CRTAC1: variants seen among roughly 807,000 people sequenced by gnomAD.
CRTAC1 encodes the protein cartilage acidic protein 1, also known as acidic secreted protein in cartilage.
CRTAC1 carries 37 observed loss-of-function variants against 67.8 expected under a neutral mutation model. The ratio of observed to expected loss-of-function variants is 0.55; its 90% CI spans 0.42 to 0.72. CRTAC1 has a LOEUF of 0.72. CRTAC1 is among the 30% of genes least tolerant of loss of function. The pLI is 0.00. For missense variants in CRTAC1, 780 were observed against 931.6 expected (o/e 0.84, Z 2.12); for synonymous variants, 348 against 371.0 (o/e 0.94, Z 0.71).
At position 97,879,690 on chromosome 10, in the gene CRTAC1, G is replaced by A. The variant is rs868172006; in HGVS notation, c.1819+559C>T. ...TTCCTTTATTGATGGGATTTAAAGT[G>A]CATATAACTGAAGGCAAAGTCCAAG... On this transcript the variant is annotated intron_variant, in intron 14 of 14. Coordinates refer to ENST00000370597, the MANE Select transcript of CRTAC1 (RefSeq NM_018058.7). 1.3e-5 allele frequency: 20 copies of A among 1,548,748 alleles called. No homozygotes were observed. The East Asian group carries it at 4.9e-4, about 38-fold the overall frequency.
intron 14 of CRTAC1, among the ~76,000 whole-genome samples, chr10:97,877,064 G>C (rs1171906946): frequency 6.6e-6 from 1 of 151,312 alleles, no homozygotes; most frequent in Non-Finnish European, 1.5e-5. Context: ...AGCATCTTGG[G>C]GGCAGGGGAC....
chr10:97,951,793 C>T (rs1448402796), intron 2 of CRTAC1, among the ~76,000 whole-genome samples: 1 of 152,166 alleles, frequency 6.6e-6, no homozygotes, highest in East Asian at 1.9e-4. Flanking sequence ...GTACCTCCCA[C>T]CTGCAGGAAA....
At chr10:97,933,951 C>T (rs2051042454) in intron 3 of CRTAC1, among the ~76,000 whole-genome samples, 2 of 152,160 alleles carry the variant, frequency 1.3e-5, no homozygotes, top group African/African-American at 4.8e-5. Context: ...CCCCAGGTGA[C>T]CCTAATGTGC....
chr10:98,001,084 C>T (rs192264024), intron 2 of CRTAC1, among the ~76,000 whole-genome samples: 10 of 152,284 alleles, frequency 6.6e-5, no homozygotes, highest in Middle Eastern at 3.4e-3. Context: ...GATGAGGTCA[C>T]TTCATGATAA....
intron 11 of CRTAC1, among the ~76,000 whole-genome samples, chr10:97,893,123 G>A (rs187569615): frequency 6.6e-4 from 101 of 152,276 alleles, no homozygotes; most frequent in African/African-American, 2.0e-3. Flanking sequence ...ATCTCACAAG[G>A]TAGTCATGAG....
chr10:97,968,867 A>G (rs2051661082), intron 2 of CRTAC1, among the ~76,000 whole-genome samples: 2 of 152,174 alleles, frequency 1.3e-5, no homozygotes, highest in Admixed American at 1.3e-4. Flanking sequence ...AAAAATGCAG[A>G]CCGTGGGTCC....
intron 2 of CRTAC1, among the ~76,000 whole-genome samples, chr10:97,966,573 T>A (rs2051619891): frequency 6.6e-6 from 1 of 152,222 alleles, no homozygotes; most frequent in African/African-American, 2.4e-5. Flanking sequence ...TGAACCAGTA[T>A]CAATATATGA....
At chr10:97,908,325 T>A (rs2050643433) in intron 5 of CRTAC1, among the ~76,000 whole-genome samples, 178 bp from the exon 6 acceptor site, 1 of 152,110 alleles carries the variant, frequency 6.6e-6, no homozygotes, top group East Asian at 1.9e-4. Flanking sequence ...TCTCCATGAA[T>A]CTGTGTGGAA....
At chr10:98,017,015 A>G (rs1041963344) in intron 1 of CRTAC1, among the ~76,000 whole-genome samples, 1 of 152,210 alleles carries the variant, frequency 6.6e-6, no homozygotes, top group African/African-American at 2.4e-5. Context: ...CACTGTGAAC[A>G]TCTGAATCCT....
intron 2 of CRTAC1, among the ~76,000 whole-genome samples, chr10:97,992,749 A>G (rs1337275564): frequency 3.3e-5 from 5 of 152,228 alleles, no homozygotes; most frequent in Non-Finnish European, 7.3e-5. Context: ...AGTTGAATTT[A>G]TAGAAGTGGA....
intron 2 of CRTAC1, among the ~76,000 whole-genome samples, chr10:97,969,998 T>C (rs1157860390): frequency 6.6e-6 from 1 of 152,182 alleles, no homozygotes; most frequent in African/African-American, 2.4e-5. Context: ...GAATGTTTAA[T>C]AGATATTTCA....
intron 1 of CRTAC1, among the ~76,000 whole-genome samples, chr10:98,011,943 T>C (rs1842917757): frequency 6.6e-6 from 1 of 151,976 alleles, no homozygotes; most frequent in Non-Finnish European, 1.5e-5. Context: ...AGAACAATAA[T>C]AGATGCAATG....
intron 2 of CRTAC1, among the ~76,000 whole-genome samples, chr10:97,947,335 GC>G (rs1166212783): frequency 6.6e-6 from 1 of 152,196 alleles, no homozygotes; most frequent in Admixed American, 6.5e-5. Flanking sequence ...CTTTCAGAGG[GC>G]AGAGGGCCAA....
intron 5 of CRTAC1, 84 bp from the exon 6 acceptor site, chr10:97,908,231 G>A (rs571012344): frequency 1.4e-6 from 2 of 1,464,516 alleles, no homozygotes; most frequent in African/African-American, 2.8e-5. Flanking sequence ...GAGGCCTGAG[G>A]GGAACTGCAG....
chr10:97,954,194 A>T (rs2051404191), intron 2 of CRTAC1, among the ~76,000 whole-genome samples: 1 of 152,154 alleles, frequency 6.6e-6, no homozygotes, highest in Non-Finnish European at 1.5e-5. Context: ...GAAGGCTAAT[A>T]TTGAAGTAAA....
intron 2 of CRTAC1, among the ~76,000 whole-genome samples, chr10:97,947,593 T>G (rs191550357): frequency 6.6e-6 from 1 of 152,354 alleles, no homozygotes; most frequent in Admixed American, 6.5e-5. Flanking sequence ...AGCCTGTATA[T>G]GCAAAGCATT....
chr10:97,935,290 A>G (rs2051069088), intron 3 of CRTAC1, among the ~76,000 whole-genome samples: 1 of 152,194 alleles, frequency 6.6e-6, no homozygotes, highest in African/African-American at 2.4e-5. Flanking sequence ...TGAGATAATT[A>G]ATGTAAATGT....
chr10:98,021,860 A>G (rs540074381), intron 1 of CRTAC1, among the ~76,000 whole-genome samples: 2 of 152,288 alleles, frequency 1.3e-5, no homozygotes, highest in African/African-American at 4.8e-5. Context: ...ACCCTGATGG[A>G]GTTCTTTGAC....
At chr10:97,974,128 T>C (rs1182245074) in intron 2 of CRTAC1, among the ~76,000 whole-genome samples, 2 of 152,202 alleles carry the variant, frequency 1.3e-5, no homozygotes, top group African/African-American at 4.8e-5. Flanking sequence ...CTGTGTTGTG[T>C]GCAGGAGATA....
Sources: allele counts gnomAD v4.1 joint callset (sites outside exome capture counted in the v4.1 genomes callset), GRCh38; gene constraint gnomAD v4.1.1; transcripts MANE v1.5; gene names NCBI Gene and HGNC (gene_info 2026-07-23, HGNC 2026-07-21).